SNTG1: variants seen among roughly 807,000 people sequenced by gnomAD.
The protein encoded by SNTG1 is syntrophin gamma 1.
Under a neutral mutation model 74.7 loss-of-function variants are expected in SNTG1, and 39 were observed. The ratio of observed to expected loss-of-function variants is 0.52; its 90% CI spans 0.40 to 0.68. The LOEUF (loss-of-function observed/expected upper bound fraction) is 0.68, where lower values mean the gene tolerates loss of function less well. Among genes scored for constraint, SNTG1 ranks in the 30% least tolerant of loss-of-function variants. The pLI, the probability that SNTG1 is intolerant of heterozygous loss-of-function variation, is 0.00. For synonymous variants in SNTG1, 254 were observed against 217.1 expected, an observed-to-expected ratio of 1.17 and a Z score of -1.49; for missense variants, 685 against 609.5, an observed-to-expected ratio of 1.12 and a Z score of -1.30.
intron 6 of SNTG1, 26 bp downstream of exon 6, chr8:50,449,751 C>A: frequency 6.6e-7 from 1 of 1,526,368 alleles, no homozygotes. Context: ...AATTGTGTAC[C>A]AGCCATTTCT....
At chr8:50,074,570 G>T (rs1821656431) in intron 1 of SNTG1, among the ~76,000 whole-genome samples, 1 of 152,170 alleles carries the variant, frequency 6.6e-6, no homozygotes, top group African/African-American at 2.4e-5. Context: ...AGTTGTATAT[G>T]GTCGTGATTT....
chr8:50,201,617 C>T (rs973976117), intron 2 of SNTG1, among the ~76,000 whole-genome samples: 1 of 152,044 alleles, frequency 6.6e-6, no homozygotes, highest in African/African-American at 2.4e-5. Flanking sequence ...CTCTAAGGAG[C>T]CTTGGTTTAT....
At chr8:50,168,958 A>T (rs991653640) in intron 1 of SNTG1, among the ~76,000 whole-genome samples, 5 of 152,200 alleles carry the variant, frequency 3.3e-5, no homozygotes, top group African/African-American at 1.2e-4. Context: ...GTTTTTATGT[A>T]TAAGTCATTT....
chr8:50,449,692 G>A lies in SNTG1; in HGVS notation c.244G>A (p.Val82Ile), dbSNP rs747830527. ...IKGGAEHNIP[V>I]VVSKISKEQR... ...GGGAGGAGCAGAACATAACATTCCA[G>A]TTGTCGTTTCAAAAATCTCCAAGGA... Residue 82 changes from valine (V) to isoleucine (I), a missense_variant, in exon 6 of 19, where the codon GTT becomes ATT. By Grantham distance (29) the Val-to-Ile change is conservative. Transcript: ENST00000642720. The A allele has an allele frequency of 6.3e-7, 1 of 1,598,642 alleles. No individual in the cohort carries two copies. Among genetic ancestry groups the A allele is most frequent in the South Asian group, 1.1e-5 (1 of 88,238 alleles).
chr8:50,257,534 G>T (rs1011924503), intron 2 of SNTG1, among the ~76,000 whole-genome samples: 1 of 152,128 alleles, frequency 6.6e-6, no homozygotes, highest in Non-Finnish European at 1.5e-5. Flanking sequence ...ATGTAGATTT[G>T]GTTGGTGAGC....
chr8:50,498,041 T>A lies in SNTG1; in HGVS notation c.364-4737T>A, dbSNP rs144914942. Among the ~76,000 whole-genome samples the A allele has an allele frequency of 4.7e-3, 716 of 152,108 alleles. 10 individuals carry two copies. The highest frequency in any genetic ancestry group is 0.014 in the African/African-American group (597 of 41,556). ...TGATGGACATTTGAGTTTTCTAAAT[T>A]TTCTGATTAAAAATACAGCTGCTAT... On this transcript the variant is annotated intron_variant, in intron 8 of 18. Coordinates refer to ENST00000642720, the MANE Select transcript of SNTG1 (RefSeq NM_018967.5).
intron 13 of SNTG1, among the ~76,000 whole-genome samples, chr8:50,626,009 C>T (rs754681249): frequency 6.6e-6 from 1 of 152,132 alleles, no homozygotes; most frequent in Non-Finnish European, 1.5e-5. Flanking sequence ...CACATGGCTT[C>T]AAACCGATTA....
At chr8:50,573,656 C>T (rs2094561075) in intron 12 of SNTG1, among the ~76,000 whole-genome samples, 1 of 151,652 alleles carries the variant, frequency 6.6e-6, no homozygotes, top group Non-Finnish European at 1.5e-5. Flanking sequence ...ATTATCATTT[C>T]AGTTCTTGAG....
At chr8:50,640,880 T>C (rs1008837028) in intron 13 of SNTG1, among the ~76,000 whole-genome samples, 11 of 152,154 alleles carry the variant, frequency 7.2e-5, no homozygotes, top group Admixed American at 6.6e-5. Context: ...TAGCCCCTCT[T>C]GTGCCCCAAG....
chr8:50,190,067 A>G (rs1486221411), intron 2 of SNTG1, among the ~76,000 whole-genome samples: 1 of 152,096 alleles, frequency 6.6e-6, no homozygotes, highest in Non-Finnish European at 1.5e-5. Flanking sequence ...TTCATTTATT[A>G]ATCCATTAAA....
At chr8:50,175,058 C>T (rs567733224) in intron 2 of SNTG1, among the ~76,000 whole-genome samples, 1 of 152,172 alleles carries the variant, frequency 6.6e-6, no homozygotes, top group South Asian at 2.1e-4. Flanking sequence ...TTTTTTATGG[C>T]TGCATAGTAT....
intron 11 of SNTG1, among the ~76,000 whole-genome samples, chr8:50,544,380 A>G (rs1165635370): frequency 1.3e-5 from 2 of 152,072 alleles, no homozygotes; most frequent in Admixed American, 6.6e-5. Flanking sequence ...TTGCTTTCAT[A>G]TAACTATTCA....
chr8:50,559,654 T>A (rs563351430), intron 12 of SNTG1, among the ~76,000 whole-genome samples: 1 of 152,144 alleles, frequency 6.6e-6, no homozygotes, highest in Non-Finnish European at 1.5e-5. Context: ...TAAATGGTTC[T>A]GGGAGAACTG....
intron 17 of SNTG1, among the ~76,000 whole-genome samples, chr8:50,746,549 C>G (rs2095555492): frequency 6.6e-6 from 1 of 151,910 alleles, no homozygotes; most frequent in East Asian, 1.9e-4. Flanking sequence ...GAGAACCTGT[C>G]ACAGCCAAGT....
At chr8:50,460,812 T>C (rs1013825095) in intron 8 of SNTG1, among the ~76,000 whole-genome samples, 3 of 152,116 alleles carry the variant, frequency 2.0e-5, no homozygotes, top group African/African-American at 7.2e-5. Context: ...TGGTTTTATA[T>C]CTAGGTTCTG....
chr8:50,470,118 G>C (rs1400466069), intron 8 of SNTG1, among the ~76,000 whole-genome samples: 1 of 152,166 alleles, frequency 6.6e-6, no homozygotes, highest in Non-Finnish European at 1.5e-5. Flanking sequence ...TTGGGAAATA[G>C]GTCCTTGTCT....
chr8:50,221,133 G>T (rs2085042288), intron 2 of SNTG1, among the ~76,000 whole-genome samples: 1 of 151,958 alleles, frequency 6.6e-6, no homozygotes, highest in Non-Finnish European at 1.5e-5. Flanking sequence ...GGAAATTAAA[G>T]GAAATCTTCT....
At chr8:50,782,916 C>A (rs1184438406) in intron 18 of SNTG1, among the ~76,000 whole-genome samples, 2 of 152,152 alleles carry the variant, frequency 1.3e-5, no homozygotes, top group Admixed American at 6.5e-5. Flanking sequence ...AGTTTTCCTT[C>A]TAACAGACAG....
At chr8:50,389,871 A>C (rs1270060377) in intron 2 of SNTG1, among the ~76,000 whole-genome samples, 3 of 152,210 alleles carry the variant, frequency 2.0e-5, no homozygotes, top group African/African-American at 7.2e-5. Flanking sequence ...TTTTGGCTGC[A>C]TAAATGTCTT....
Sources: gnomAD v4.1 joint callset for allele counts (sites outside exome capture counted in the v4.1 genomes callset) on GRCh38, gnomAD v4.1.1 for gene constraint, MANE v1.5 for transcripts, NCBI Gene and HGNC (gene_info 2026-07-23, HGNC 2026-07-21) for gene names.